DPP6: variants seen among roughly 807,000 people sequenced by gnomAD.
DPP6 encodes A-type potassium channel modulatory protein DPP6.
Under a neutral mutation model 122.6 loss-of-function variants are expected in DPP6, and 69 were observed. The observed-to-expected ratio is 0.56, with a 90% CI of 0.46 to 0.69. The LOEUF (loss-of-function observed/expected upper bound fraction) is 0.69. Ranked by LOEUF, DPP6 falls within the 30% of genes least tolerant of loss-of-function variation. The probability of loss-of-function intolerance (pLI) is 0.00; values close to 1 mark genes in which losing one functional copy is unlikely to be tolerated. For synonymous variants in DPP6, 418 were observed against 433.1 expected (o/e 0.97, Z 0.43); for missense variants, 928 against 1,116.9 (o/e 0.83, Z 2.41).
intron 1 of DPP6, among the ~76,000 whole-genome samples, chr7:154,023,628 C>T (rs1414528055): frequency 5.3e-5 from 8 of 151,658 alleles, no homozygotes; most frequent in Non-Finnish European, 1.2e-4. Flanking sequence ...ATTACAGGTG[C>T]CTACCACCAT....
chr7:154,767,933 T>G (rs1040829255), intron 8 of DPP6, among the ~76,000 whole-genome samples: 4 of 152,274 alleles, frequency 2.6e-5, no homozygotes, highest in African/African-American at 7.2e-5. Context: ...TGAGGAAGAC[T>G]CACGTGACAG....
chr7:154,889,154 C>T (rs898316066), intron 23 of DPP6, 118 bp from the exon 24 acceptor site: 49 of 1,444,422 alleles, frequency 3.4e-5, no homozygotes, highest in East Asian at 1.2e-4. Context: ...CCCGGTTCTC[C>T]GGGAACTTAG....
chr7:154,325,055 C>T (rs1192246738), intron 1 of DPP6, among the ~76,000 whole-genome samples: 2 of 151,826 alleles, frequency 1.3e-5, no homozygotes, highest in Non-Finnish European at 2.9e-5. Flanking sequence ...TTAGTAGAGA[C>T]AAGGTTTTAC....
chr7:153,891,761 G>C (rs893472856), intron 1 of DPP6, among the ~76,000 whole-genome samples: 1 of 152,204 alleles, frequency 6.6e-6, no homozygotes, highest in African/African-American at 2.4e-5. Flanking sequence ...CTTGGGGACT[G>C]TCCTGTGACC....
At chr7:153,786,510 C>T in the DPP6 span, among the ~76,000 whole-genome samples, 4 of 151,488 alleles carry the variant, frequency 2.6e-5, no homozygotes, top group South Asian at 2.1e-4. Context: ...GAGGCCGAGG[C>T]GGGCGGATCA....
intron 1 of DPP6, among the ~76,000 whole-genome samples, chr7:154,143,173 A>C (rs1472295722): frequency 4.6e-5 from 7 of 151,888 alleles, no homozygotes; most frequent in African/African-American, 1.7e-4. Context: ...TGAGTCCTGA[A>C]AGGAGAGAGA....
chr7:154,784,570 G>T (rs574314096), intron 10 of DPP6, among the ~76,000 whole-genome samples: 11 of 152,190 alleles, frequency 7.2e-5, no homozygotes, highest in African/African-American at 2.7e-4. Flanking sequence ...AGGGCAGTCT[G>T]GTTTTTGCTT....
At chr7:153,886,980 C>T (rs1367586672), upstream of DPP6, 1 of 151,962 alleles carries the variant, frequency 6.6e-6, no homozygotes, top group East Asian at 2.0e-4. Flanking sequence ...CGCACCCAGT[C>T]CAGCGCGGAG....
chr7:154,333,257 T>G (rs2151042629), intron 1 of DPP6, among the ~76,000 whole-genome samples: 1 of 152,282 alleles, frequency 6.6e-6, no homozygotes, highest in Middle Eastern at 3.4e-3. Flanking sequence ...TCAGGGCTTT[T>G]TTTTTTAAAT....
chr7:154,190,522 A>G (rs866500442), intron 1 of DPP6, among the ~76,000 whole-genome samples: 2 of 152,332 alleles, frequency 1.3e-5, no homozygotes, highest in Middle Eastern at 3.4e-3. Flanking sequence ...AAAGGTACTT[A>G]AGTATATGAT....
the DPP6 span, among the ~76,000 whole-genome samples, chr7:153,850,800 G>A: frequency 6.6e-6 from 1 of 152,112 alleles, no homozygotes; most frequent in Non-Finnish European, 1.5e-5. Flanking sequence ...GGGGGAAACT[G>A]CCTCCATGAT....
At chr7:154,542,341 A>G (rs1426642704) in intron 4 of DPP6, among the ~76,000 whole-genome samples, 1 of 152,198 alleles carries the variant, frequency 6.6e-6, no homozygotes, top group Non-Finnish European at 1.5e-5. Flanking sequence ...GTTTTCTAAT[A>G]TTAATAGAGA....
At chr7:154,716,307 C>T (rs1841479623) in intron 7 of DPP6, among the ~76,000 whole-genome samples, 1 of 152,212 alleles carries the variant, frequency 6.6e-6, no homozygotes, top group Non-Finnish European at 1.5e-5. Flanking sequence ...TTCCCATAGC[C>T]TGACCTGTCC....
chr7:154,883,006 CACAT>C (rs958561601), intron 21 of DPP6, among the ~76,000 whole-genome samples: 35 of 151,960 alleles, frequency 2.3e-4, no homozygotes, highest in African/African-American at 8.5e-4. Flanking sequence ...CTCACAGACT[CACAT>C]ACACATGGAT....
chr7:154,318,986 G>C (rs912824644), intron 1 of DPP6, among the ~76,000 whole-genome samples: 1 of 152,212 alleles, frequency 6.6e-6, no homozygotes, highest in Non-Finnish European at 1.5e-5. Context: ...TGCGGTTCTG[G>C]TTTAGAGTGT....
chr7:153,823,524 G>A, the DPP6 span, among the ~76,000 whole-genome samples: 5 of 150,568 alleles, frequency 3.3e-5, no homozygotes, highest in Non-Finnish European at 1.5e-5. Context: ...GAAGCTACGA[G>A]ATGGCTGAAA....
At chr7:153,889,215 TCTGA>T (rs1232662841) in intron 1 of DPP6, among the ~76,000 whole-genome samples, 1 of 152,220 alleles carries the variant, frequency 6.6e-6, no homozygotes, top group African/African-American at 2.4e-5. Flanking sequence ...CCGTGGGTTC[TCTGA>T]CTGACCTAAT....
At chr7:153,798,025 G>T in the DPP6 span, among the ~76,000 whole-genome samples, 4 of 152,036 alleles carry the variant, frequency 2.6e-5, no homozygotes, top group African/African-American at 9.7e-5. Flanking sequence ...TGTATTTTTG[G>T]TAGAGACGGG....
intron 7 of DPP6, among the ~76,000 whole-genome samples, chr7:154,713,488 C>G (rs1841314896): frequency 6.6e-6 from 1 of 152,272 alleles, no homozygotes; most frequent in African/African-American, 2.4e-5. Context: ...CATTTCCATA[C>G]ATCTTCTGAA....
Sources: gnomAD v4.1 joint callset for allele counts (sites outside exome capture counted in the v4.1 genomes callset) on GRCh38, gnomAD v4.1.1 for gene constraint, MANE v1.5 for transcripts, NCBI Gene and HGNC (gene_info 2026-07-23, HGNC 2026-07-21) for gene names.